The following USF3 variants were observed in gnomAD, a reference collection of about 807,000 sequenced individuals.
USF3 encodes the protein upstream transcription factor family member 3, also known as basic helix-loop-helix domain-containing protein USF3.
In USF3, 29 loss-of-function variants were observed where a neutral mutation model predicts 157.5. The ratio of observed to expected loss-of-function variants is 0.18; its 90% CI spans 0.14 to 0.25. USF3 has a LOEUF of 0.25. Ranked by LOEUF, USF3 falls within the 10% of genes least tolerant of loss-of-function variation. The pLI is 1.00. For synonymous variants in USF3, 893 were observed against 941.4 expected (o/e 0.95, Z 0.94); for missense variants, 2,381 against 2,667.6 (o/e 0.89, Z 2.37).
intron 1 of USF3, among the ~76,000 whole-genome samples, chr3:113,696,066 G>A (rs1045695614): frequency 4.2e-4 from 64 of 152,358 alleles, no homozygotes; most frequent in African/African-American, 1.5e-3. Context: ...GGCAGCGTGG[G>A]GCCCCTCTCG....
At chr3:113,675,607 A>G (rs1484803530) in intron 2 of USF3, among the ~76,000 whole-genome samples, 3 of 152,210 alleles carry the variant, frequency 2.0e-5, no homozygotes, top group Non-Finnish European at 2.9e-5. Flanking sequence ...TATTTTGGTG[A>G]TTTCATTCTC....
Position 113,660,601 on chromosome 3 carries a change from T to C in USF3, c.1081A>G (p.Lys361Glu). ...AGDSSPMSIS[K>E]SADLTSTATV... ...GCTGTACTTGTCAAGTCTGCACTCTTACTAATGCTCATTGGAGAAGAATCA... is the reference window on the plus strand; with the variant it reads ...GCTGTACTTGTCAAGTCTGCACTCTCACTAATGCTCATTGGAGAAGAATCA... The change falls in exon 7 of 7, where the codon AAG becomes GAG. Residue 361 changes from lysine to glutamate, a missense_variant. Lys to Glu is a moderately conservative substitution (Grantham distance 56). Around this residue, in one of 6 missense-constraint regions of USF3, gnomAD observed 1,435 missense variants for 1,550.9 expected, o/e 0.93. Coordinates refer to ENST00000316407, the MANE Select transcript of USF3 (RefSeq NM_001009899.4). 1 of 1,614,198 alleles carries C rather than the reference T, an allele frequency of 6.2e-7. No individual in the cohort carries two copies. Among genetic ancestry groups the C allele is most frequent in the South Asian group, 1.1e-5 (1 of 91,084 alleles).
At position 113,655,656 on chromosome 3, in the gene USF3, G is replaced by A. The variant is rs956985109; in HGVS notation, c.6026C>T (p.Pro2009Leu). 6.2e-7 allele frequency: 1 copy of A among 1,613,872 alleles called. No individual in the cohort carries two copies. Among genetic ancestry groups the A allele is most frequent in the African/African-American group, 1.3e-5 (1 of 75,050 alleles). The change falls in exon 7 of 7, where the codon CCA becomes CTA. Residue 2009 changes from proline (P) to leucine (L), a missense_variant. Pro to Leu is a moderately conservative substitution (Grantham distance 98). Around this residue, in one of 6 missense-constraint regions of USF3, gnomAD observed 770 missense variants for 824.2 expected, o/e 0.93. Coordinates refer to ENST00000316407, the MANE Select transcript of USF3 (RefSeq NM_001009899.4). ...GNQRQSTVFD[P>L]SLPHLPLSTG... is the part of the protein sequence containing the mutation. ...AGAGAGAGGAAGATGGGGAAGACTT[G>A]GATCAAAGACAGTACTTTGCCTTTG...
chr3:113,676,634 A>G (rs1242995917), intron 2 of USF3, among the ~76,000 whole-genome samples: 3 of 152,176 alleles, frequency 2.0e-5, no homozygotes, highest in African/African-American at 7.2e-5. Flanking sequence ...CAGCCTAACT[A>G]TATCAACAAC....
At chr3:113,662,855 G>C (rs1431092864) in intron 6 of USF3, among the ~76,000 whole-genome samples, 1 of 151,878 alleles carries the variant, frequency 6.6e-6, no homozygotes, top group Non-Finnish European at 1.5e-5. Context: ...ACCACTTTTA[G>C]ATGTGAGAAA....
In USF3 at chr3:113,664,336, A is replaced by G; in HGVS notation, c.233T>C (p.Leu78Pro). 3 of 1,602,318 alleles carry G rather than the reference A, an allele frequency of 1.9e-6. No homozygotes were observed. The highest frequency in any genetic ancestry group is 2.6e-6 in the Non-Finnish European group (3 of 1,170,786). Residue 78 changes from leucine (L) to proline (P), a missense_variant, in exon 6 of 7, where the codon CTT (leucine) becomes CCT (proline). By Grantham distance (98) the Leu-to-Pro change is moderately conservative (BLOSUM62 -3). Around this residue, in one of 6 missense-constraint regions of USF3, gnomAD observed 105 missense variants for 158.6 expected, o/e 0.66. Coordinates refer to ENST00000316407, the MANE Select transcript of USF3 (RefSeq NM_001009899.4). ...ELKRQNDELL[L>P]NGGNNEQAEE... ...ACCTTGTTCATTGTTTCCTCCATTA[A>G]GCAGGAGTTCATCATTTTGCCTTTT... is the stretch of plus-strand genomic sequence containing the variant.
chr3:113,657,609 G>A lies in USF3; in HGVS notation c.4073C>T (p.Ser1358Phe), dbSNP rs1294648291. The change falls in exon 7 of 7, where the codon TCC (serine) becomes TTC (phenylalanine). Residue 1358 changes from serine to phenylalanine, a missense_variant. This residue lies in a region of USF3 where 1,435 missense variants were observed against 1,550.9 expected (regional missense o/e 0.93). Coordinates refer to ENST00000316407, the MANE Select transcript of USF3 (RefSeq NM_001009899.4). ...QPAPLRLESMSLMSRTPDTIS... is the reference protein window; with the variant it reads ...QPAPLRLESMFLMSRTPDTIS... ...GGTGTCTGGAGTTCTGCTCATCAGG[G>A]ACATACTTTCAAGCCTGAGGGGGGC... 26 of 1,614,042 alleles carry A rather than the reference G, an allele frequency of 1.6e-5. No homozygotes were observed. Among genetic ancestry groups the A allele is most frequent in the Non-Finnish European group, 2.1e-5 (25 of 1,180,038 alleles).
rs77076594 is a variant in USF3 at position 113,649,364 on chromosome 3, C to T, written c.*5580G>A. ...AATGTTTACAACCCAAGTTGGCTCA[C>T]GTTTATGAAGCATCTGACCACATAC... On this transcript the variant is annotated 3_prime_UTR_variant, in exon 7 of 7. Coordinates refer to ENST00000316407, the MANE Select transcript of USF3 (RefSeq NM_001009899.4). The T allele has an allele frequency of 7.3e-3, 1,121 of 154,154 alleles. 17 individuals carry two copies. Among genetic ancestry groups the T allele is most frequent in the African/African-American group, 0.024 (1,010 of 41,570 alleles). 9.5% of individuals were successfully genotyped at this position (154,154 alleles called of 1,614,324 possible).
intron 1 of USF3, among the ~76,000 whole-genome samples, chr3:113,695,317 G>A (rs1386097361): frequency 6.6e-6 from 1 of 152,218 alleles, no homozygotes; most frequent in African/African-American, 2.4e-5. Context: ...TTAAACAAGA[G>A]TTCTATGGGA....
At chr3:113,682,107 G>T (rs13320940) in intron 1 of USF3, among the ~76,000 whole-genome samples, 56,725 of 151,998 alleles carry the variant, frequency 0.37, 10,600 homozygotes, top group African/African-American at 0.41. Flanking sequence ...GAGGACTGCT[G>T]GAGCCTAGGA....
rs1030893861 is a variant in USF3, at chr3:113,654,713, C to G, written c.*231G>C. On this transcript the variant is annotated 3_prime_UTR_variant, in exon 7 of 7. Coordinates refer to ENST00000316407, the MANE Select transcript of USF3 (RefSeq NM_001009899.4). Reference sequence around the variant, plus strand: ...GAAATATCAACTTGGAAATGTAAATCTACTTGGAAAATAAAAAAGTACACC... The same window carrying G: ...GAAATATCAACTTGGAAATGTAAATGTACTTGGAAAATAAAAAAGTACACC... 1 of 496,860 alleles carries G rather than the reference C, an allele frequency of 2.0e-6. No individual in the cohort carries two copies. The highest frequency in any genetic ancestry group is 3.8e-5 in the Admixed American group (1 of 26,482). The allele number at this position is 496,860 out of a possible 1,614,324, so 30.8% of individuals were successfully genotyped here.
rs937509972 is a variant in USF3 at position 113,652,455 on chromosome 3, G to T, written c.*2489C>A. 3.3e-5 allele frequency: 5 copies of T among 150,726 alleles called. No individual in the cohort carries two copies. The highest frequency in any genetic ancestry group is 3.0e-5 in the Non-Finnish European group (2 of 67,728). The allele number at this position is 150,726 out of a possible 1,614,324, so 9.3% of individuals were successfully genotyped here. On this transcript the variant is annotated 3_prime_UTR_variant, in exon 7 of 7. Coordinates refer to ENST00000316407, the MANE Select transcript of USF3 (RefSeq NM_001009899.4). ...ATTTTGAAGAAAGAAAATACAGGTT[G>T]TTCTTGCTTTGTAAGCAAGAAAAAA...
At chr3:113,666,027 A>G (rs1947559876) in intron 5 of USF3, among the ~76,000 whole-genome samples, 1 of 151,886 alleles carries the variant, frequency 6.6e-6, no homozygotes. Flanking sequence ...TCTACTAAAA[A>G]TACAAAATTA....
intron 1 of USF3, among the ~76,000 whole-genome samples, chr3:113,681,098 C>A (rs1356365584): frequency 6.6e-6 from 1 of 152,100 alleles, no homozygotes; most frequent in African/African-American, 2.4e-5. Context: ...CTACCTCAGC[C>A]TCCCGAGTAA....
chr3:113,659,044 C>T lies in USF3; in HGVS notation c.2638G>A (p.Val880Ile), dbSNP rs1287292452. The T allele has an allele frequency of 1.3e-5, 21 of 1,614,008 alleles. No individual in the cohort carries two copies. The highest frequency in any genetic ancestry group is 1.8e-5 in the Non-Finnish European group (21 of 1,180,028). ...TTTTCTGCTGACTTAGATTTCGATACAGACTCAGGTATTAATGATTCAGAG... is the reference window on the plus strand; with the variant it reads ...TTTTCTGCTGACTTAGATTTCGATATAGACTCAGGTATTAATGATTCAGAG... ...LSSESLIPES[V>I]SKSKSAEKSS... Residue 880 changes from valine (V) to isoleucine (I), a missense_variant, in exon 7 of 7, where the codon GTA becomes ATA. Physicochemically the swap from Val to Ile is conservative, Grantham distance 29. Transcript: ENST00000316407.
chr3:113,655,906 T>C lies in USF3; in HGVS notation c.5776A>G (p.Thr1926Ala), dbSNP rs1247521638. ...TGGCCCTTGGTGGCATGACTCTCAG[T>C]AATCCTCATGGGATTGGATTTCTGT... ...SVQKSNPMRI[T>A]ESHATKGHMN... is the part of the protein sequence containing the mutation. The change falls in exon 7 of 7, where the codon ACT becomes GCT. Residue 1926 changes from threonine (T) to alanine (A), a missense_variant. By Grantham distance (58) the Thr-to-Ala change is moderately conservative (BLOSUM62 0). This residue lies in a region of USF3 where 770 missense variants were observed against 824.2 expected (regional missense o/e 0.93). Transcript: ENST00000316407. 3 of 1,614,244 alleles carry C rather than the reference T, an allele frequency of 1.9e-6. No individual in the cohort carries two copies. Among genetic ancestry groups the C allele is most frequent in the African/African-American group, 2.7e-5 (2 of 75,056 alleles).
Position 113,650,089 on chromosome 3 carries a change from G to A in USF3, c.*4855C>T. On this transcript the variant is annotated 3_prime_UTR_variant, in exon 7 of 7. Coordinates refer to ENST00000316407, the MANE Select transcript of USF3 (RefSeq NM_001009899.4). ...GCCCTCTGGATGTACACAGCCACAG[G>A]CGCACTACCTCCAGGCAAAGGTAGC... The A allele has an allele frequency of 1.9e-6, 1 of 531,132 alleles. No homozygotes were observed. Among genetic ancestry groups the A allele is most frequent in the South Asian group, 2.6e-5 (1 of 38,352 alleles). 32.9% of individuals were successfully genotyped at this position (531,132 alleles called of 1,614,324 possible). A position where few individuals can be genotyped will look rare whatever the true frequency, so the allele number is the denominator to read the frequency against.
chr3:113,672,867 T>C (rs936667688), intron 4 of USF3, among the ~76,000 whole-genome samples: 1 of 152,236 alleles, frequency 6.6e-6, no homozygotes, highest in Non-Finnish European at 1.5e-5. Context: ...AATTTCAATA[T>C]TTGAGATAAA....
At chr3:113,693,702 G>T (rs1214002597) in intron 1 of USF3, among the ~76,000 whole-genome samples, 1 of 152,130 alleles carries the variant, frequency 6.6e-6, no homozygotes, top group African/African-American at 2.4e-5. Context: ...GCCACATACC[G>T]TAAGCCTAAA....
Sources: gnomAD v4.1 joint callset for allele counts (sites outside exome capture counted in the v4.1 genomes callset) on GRCh38, gnomAD v4.1.1 for gene constraint, gnomAD v4.1.1 regional missense constraint, MANE v1.5 for transcripts, NCBI Gene and HGNC (gene_info 2026-07-23, HGNC 2026-07-21) for gene names.